The following SERBP1 variants were observed in gnomAD, a reference collection of about 807,000 sequenced individuals.
SERBP1 encodes SERPINE1 mRNA-binding protein 1.
In SERBP1, 6 loss-of-function variants were observed where a neutral mutation model predicts 50.2. The ratio of observed to expected loss-of-function variants is 0.12; its 90% CI spans 0.07 to 0.24. The LOEUF is 0.24. Ranked by LOEUF, SERBP1 falls within the 10% of genes least tolerant of loss-of-function variation. SERBP1 has a pLI of 1.00. For synonymous variants in SERBP1, 168 were observed against 182.8 expected (o/e 0.92, Z 0.65); for missense variants, 346 against 524.9 (o/e 0.66, Z 3.33).
Position 67,430,337 on chromosome 1 carries a change from A to T in SERBP1, c.-37T>A. The stretch of plus-strand genomic sequence containing the variant: ...GGCGGCGCGTTCCTCCACGGATTGC[A>T]GCGGGCCGCGCCGAGCCAAGAGCGC... On this transcript the variant is annotated 5_prime_UTR_variant, in exon 1 of 8. Coordinates refer to ENST00000361219, the MANE Select transcript of SERBP1 (RefSeq NM_001018069.2). 4.7e-6 allele frequency: 7 copies of T among 1,494,940 alleles called. No homozygotes were observed. The highest frequency in any genetic ancestry group is 6.2e-6 in the Non-Finnish European group (7 of 1,123,372). The allele number at this position is 1,494,940 out of a possible 1,614,324, so 92.6% of individuals were successfully genotyped here.
chr1:67,410,124 C>T lies in SERBP1; in HGVS notation c.*3083G>A, dbSNP rs1317560892. On this transcript the variant is annotated 3_prime_UTR_variant, in exon 8 of 8. Coordinates refer to ENST00000361219, the MANE Select transcript of SERBP1 (RefSeq NM_001018069.2). ...CACTAATATACCTGAATAATCTTAC[C>T]TCTAAGGTCAACATCAGTTAGGTTC... is the stretch of plus-strand genomic sequence containing the variant. The T allele has an allele frequency of 6.6e-6, 1 of 152,178 alleles. No homozygotes were observed. The highest frequency in any genetic ancestry group is 6.5e-5 in the Admixed American group (1 of 15,270). The allele number at this position is 152,178 out of a possible 1,614,324, so 9.4% of individuals were successfully genotyped here.
In SERBP1 at chr1:67,410,734, A is replaced by C. The variant is rs1666809447; in HGVS notation, c.*2473T>G. Reference sequence around the variant, plus strand: ...CTAGACTATTATAGCCAGTTTGTCAATCAAAAGTAGCATTCAGTATGCTTA... The same window carrying C: ...CTAGACTATTATAGCCAGTTTGTCACTCAAAAGTAGCATTCAGTATGCTTA... On this transcript the variant is annotated 3_prime_UTR_variant, in exon 8 of 8. Transcript: ENST00000361219. The C allele has an allele frequency of 6.6e-6, 1 of 152,188 alleles. No individual in the cohort carries two copies. Among genetic ancestry groups the C allele is most frequent in the Non-Finnish European group, 1.5e-5 (1 of 68,006 alleles). The allele number at this position is 152,188 out of a possible 1,614,324, so 9.4% of individuals were successfully genotyped here.
Position 67,420,158 on chromosome 1 carries a change from C to T in SERBP1, c.802G>A (p.Glu268Lys). The change falls in exon 6 of 8, where the codon GAG becomes AAG. Residue 268 changes from glutamate to lysine, a missense_variant. This residue lies in a region of SERBP1 where 257 missense variants were observed against 331.2 expected (regional missense o/e 0.78). Transcript: ENST00000361219. Reference protein sequence around the residue: ...KENEVEEVKEEGPKEMTLDEW... With the variant: ...KENEVEEVKEKGPKEMTLDEW... ...TCCAAAGTCATCTCTTTTGGACCCT[C>T]CTCTTTTACCTCTTCAACTTCATTC... is the stretch of plus-strand genomic sequence containing the variant. 6.2e-7 allele frequency: 1 copy of T among 1,611,610 alleles called. No individual in the cohort carries two copies. The highest frequency in any genetic ancestry group is 2.2e-5 in the East Asian group (1 of 44,754).
rs1666822684 is a variant in SERBP1 at position 67,411,093 on chromosome 1, C to CAGAG, written c.*2113_*2114insCTCT. 6.6e-6 allele frequency: 1 copy of CAGAG among 151,942 alleles called. No homozygotes were observed. The highest frequency in any genetic ancestry group is 1.5e-5 in the Non-Finnish European group (1 of 67,972). 9.4% of individuals were successfully genotyped at this position (151,942 alleles called of 1,614,324 possible). ...ATCTTTATTTTCAGTTATTACCCAC[C>CAGAG]AATAAGAGAAAGTTAGGTTCACAGT... On this transcript the variant is annotated 3_prime_UTR_variant, in exon 8 of 8. Coordinates refer to ENST00000361219, the MANE Select transcript of SERBP1 (RefSeq NM_001018069.2).
chr1:67,430,218 A>T lies in SERBP1; in HGVS notation c.83T>A (p.Phe28Tyr). 1 of 1,602,204 alleles carries T rather than the reference A, an allele frequency of 6.2e-7. No individual in the cohort carries two copies. The highest frequency in any genetic ancestry group is 8.5e-7 in the Non-Finnish European group (1 of 1,177,172). Residue 28 changes from phenylalanine to tyrosine, a missense_variant, in exon 1 of 8, where the codon TTC (phenylalanine) becomes TAC (tyrosine). Phe to Tyr is a conservative substitution (Grantham distance 22). This residue lies in a region of SERBP1 where 13 missense variants were observed against 40.8 expected (regional missense o/e 0.32). Coordinates refer to ENST00000361219, the MANE Select transcript of SERBP1 (RefSeq NM_001018069.2). ...DQLFDDESDPFEVLKAAENKK... is the reference protein window; with the variant it reads ...DQLFDDESDPYEVLKAAENKK... The stretch of plus-strand genomic sequence containing the variant: ...GTTCTCTGCTGCCTTCAGCACCTCG[A>T]AGGGGTCCGATTCGTCGTCAAATAA...
chr1:67,415,418 T>TA (rs989055960), intron 6 of SERBP1, 79 bp from the exon 7 acceptor site: 124 of 1,386,524 alleles, frequency 8.9e-5, no homozygotes, highest in Middle Eastern at 1.9e-4. Flanking sequence ...AGCTTTCTTC[T>TA]AAAAAAAACC....
chr1:67,430,291 G>A lies in SERBP1; in HGVS notation c.10C>T (p.His4Tyr). The A allele has an allele frequency of 6.6e-7, 1 of 1,513,276 alleles. No individual in the cohort carries two copies. The highest frequency in any genetic ancestry group is 8.8e-7 in the Non-Finnish European group (1 of 1,133,096). 93.7% of individuals were successfully genotyped at this position (1,513,276 alleles called of 1,614,324 possible). Residue 4 changes from histidine (H) to tyrosine (Y), a missense_variant, in exon 1 of 8, where the codon CAC (histidine) becomes TAC (tyrosine). This residue lies in a region of SERBP1 where 13 missense variants were observed against 40.8 expected (regional missense o/e 0.32). Transcript: ENST00000361219. MPGHLQEGFGCVVT... is the reference protein window; with the variant it reads MPGYLQEGFGCVVT... ...ACGCAGCCGAAGCCTTCCTGTAAGT[G>A]CCCAGGCATGATGGTGGCTCGGCGG...
At position 67,415,154 on chromosome 1, in the gene SERBP1, G is replaced by T; in HGVS notation, c.1125+12C>A. On this transcript the variant is annotated intron_variant, in intron 7 of 7. Coordinates refer to ENST00000361219, the MANE Select transcript of SERBP1 (RefSeq NM_001018069.2). ...TTAAATTATGTAAAAGGAAAAGAAA[G>T]TCTTAAATTACCTTGTCGGTCCTGC... 1.3e-6 allele frequency: 2 copies of T among 1,564,006 alleles called. No individual in the cohort carries two copies. Among genetic ancestry groups the T allele is most frequent in the Non-Finnish European group, 1.7e-6 (2 of 1,158,778 alleles).
At chr1:67,426,026 G>C (rs949640794) in intron 2 of SERBP1, 109 bp downstream of exon 2, 2 of 889,316 alleles carry the variant, frequency 2.2e-6, no homozygotes, top group African/African-American at 3.4e-5. Flanking sequence ...GAGATGAGAG[G>C]ATCATTTGAG....
intron 7 of SERBP1, among the ~76,000 whole-genome samples, chr1:67,414,503 TAGG>T (rs1666943487): frequency 6.6e-6 from 1 of 152,158 alleles, no homozygotes; most frequent in African/African-American, 2.4e-5. Flanking sequence ...GTTGAGAATT[TAGG>T]AGGACATTAT....
chr1:67,415,206 C>A lies in SERBP1; in HGVS notation c.1085G>T (p.Gly362Val). 1.2e-6 allele frequency: 2 copies of A among 1,610,170 alleles called. No individual in the cohort carries two copies. Among genetic ancestry groups the A allele is most frequent in the Non-Finnish European group, 1.7e-6 (2 of 1,178,388 alleles). Reference sequence around the variant, plus strand: ...GCCACGGTTTGGGCGCCCACCACGCCCACGTCCACCTCGTCCTCCCCTGCC... The same window carrying A: ...GCCACGGTTTGGGCGCCCACCACGCACACGTCCACCTCGTCCTCCCCTGCC... ...RGGRGGRGGR[G>V]RGGRPNRGSR... The change falls in exon 7 of 8, where the codon GGG (glycine) becomes GTG (valine). Residue 362 changes from glycine to valine, a missense_variant. This residue lies in a region of SERBP1 where 68 missense variants were observed against 97.3 expected (regional missense o/e 0.70). Coordinates refer to ENST00000361219, the MANE Select transcript of SERBP1 (RefSeq NM_001018069.2).
Position 67,424,237 on chromosome 1 carries a change from C to T in SERBP1, c.736G>A (p.Gly246Ser). 6.2e-7 allele frequency: 1 copy of T among 1,612,446 alleles called. No homozygotes were observed. The highest frequency in any genetic ancestry group is 1.1e-5 in the South Asian group (1 of 90,738). ...QSNVTEETPE[G>S]EEHHPVADTE... ...TCTGCCACTGGATGATGTTCTTCACCTTCAGGTGTTTCCTCAGTCACATTT... is the reference window on the plus strand; with the variant it reads ...TCTGCCACTGGATGATGTTCTTCACTTTCAGGTGTTTCCTCAGTCACATTT... Residue 246 changes from glycine (G) to serine (S), a missense_variant, in exon 5 of 8, where the codon GGT (glycine) becomes AGT (serine). Gly to Ser is a moderately conservative substitution (Grantham distance 56). Transcript: ENST00000361219.
At chr1:67,424,328 G>GAAAGAAAGAA in intron 4 of SERBP1, 51 bp from the exon 5 acceptor site, 1 of 1,581,854 alleles carries the variant, frequency 6.3e-7, no homozygotes. Flanking sequence ...ACTCTCTAAG[G>GAAAGAAAGAA]AAAGAAAGAA....
At position 67,408,457 on chromosome 1, in the gene SERBP1, G is replaced by C. The variant is rs1328815463; in HGVS notation, c.*4750C>G. ...AATTCGGTAAATCATTTTCTAACTT[G>C]TGTGGGTAACTTTTTCCCTTCCATT... On this transcript the variant is annotated 3_prime_UTR_variant, in exon 8 of 8. Coordinates refer to ENST00000361219, the MANE Select transcript of SERBP1 (RefSeq NM_001018069.2). 2 of 151,808 alleles carry C rather than the reference G, an allele frequency of 1.3e-5. No individual in the cohort carries two copies. Among genetic ancestry groups the C allele is most frequent in the Non-Finnish European group, 2.9e-5 (2 of 67,996 alleles). The allele number at this position is 151,808 out of a possible 1,614,324, so 9.4% of individuals were successfully genotyped here.
rs944024231 is a variant in SERBP1, at chr1:67,410,575, T to A, written c.*2632A>T. On this transcript the variant is annotated 3_prime_UTR_variant, in exon 8 of 8. Coordinates refer to ENST00000361219, the MANE Select transcript of SERBP1 (RefSeq NM_001018069.2). ...GAAACCATGTCTCCAATCATTTCAA[T>A]ACAAGCTGTAAAAATGCCTTAAAAA... 1 of 152,166 alleles carries A rather than the reference T, an allele frequency of 6.6e-6. No homozygotes were observed. Among genetic ancestry groups the A allele is most frequent in the Non-Finnish European group, 1.5e-5 (1 of 68,002 alleles). 9.4% of individuals were successfully genotyped at this position (152,166 alleles called of 1,614,324 possible).
In SERBP1 at chr1:67,408,333, T is replaced by C. The variant is rs1321774861; in HGVS notation, c.*4874A>G. On this transcript the variant is annotated 3_prime_UTR_variant, in exon 8 of 8. Transcript: ENST00000361219. The stretch of plus-strand genomic sequence containing the variant: ...ACAAGTCTCAAGAAGAGTAATGTCA[T>C]ACAAGAGCACTAGGAATTGCCACAT... 1 of 152,166 alleles carries C rather than the reference T, an allele frequency of 6.6e-6. No homozygotes were observed. Among genetic ancestry groups the C allele is most frequent in the Non-Finnish European group, 1.5e-5 (1 of 68,040 alleles). 9.4% of individuals were successfully genotyped at this position (152,166 alleles called of 1,614,324 possible).
At chr1:67,422,689 G>A (rs1412266334) in intron 5 of SERBP1, among the ~76,000 whole-genome samples, 1 of 152,098 alleles carries the variant, frequency 6.6e-6, no homozygotes. Context: ...GTCAGGCGTG[G>A]TGGCTCATGC....
At chr1:67,418,257 T>A (rs1667089769) in intron 6 of SERBP1, among the ~76,000 whole-genome samples, 1 of 152,044 alleles carries the variant, frequency 6.6e-6, no homozygotes, top group Admixed American at 6.6e-5. Context: ...ATTACAGGTG[T>A]GAGCCACTGC....
Position 67,409,349 on chromosome 1 carries a change from A to G in SERBP1, c.*3858T>C, listed in dbSNP as rs1666743364. 1.4e-5 allele frequency: 2 copies of G among 140,088 alleles called. No homozygotes were observed. Among genetic ancestry groups the G allele is most frequent in the Non-Finnish European group, 3.1e-5 (2 of 64,958 alleles). The allele number at this position is 140,088 out of a possible 1,614,324, so 8.7% of individuals were successfully genotyped here. A position where few individuals can be genotyped will look rare whatever the true frequency, so the allele number is the denominator to read the frequency against. On this transcript the variant is annotated 3_prime_UTR_variant, in exon 8 of 8. Coordinates refer to ENST00000361219, the MANE Select transcript of SERBP1 (RefSeq NM_001018069.2). ...GTGGGTTTTTTTTTTTTTTAATCCT[A>G]TACAAGCCTAAAAACCATTCTTAAC...
Sources: gnomAD v4.1 joint callset for allele counts (sites outside exome capture counted in the v4.1 genomes callset) on GRCh38, gnomAD v4.1.1 for gene constraint, gnomAD v4.1.1 regional missense constraint, MANE v1.5 for transcripts, NCBI Gene and HGNC (gene_info 2026-07-23, HGNC 2026-07-21) for gene names.